Variants in RNF150 observed in about 807,000 individuals in gnomAD.
RNF150 encodes ring finger protein 150.
Under a neutral mutation model 39.3 loss-of-function variants are expected in RNF150, and 24 were observed. The observed-to-expected ratio is 0.61, with a 90% CI of 0.44 to 0.86. RNF150 has a LOEUF of 0.86. Among genes scored for constraint, RNF150 ranks in the 40% least tolerant of loss-of-function variants. The pLI, the probability that RNF150 is intolerant of heterozygous loss-of-function variation, is 0.00. For synonymous variants in RNF150, 255 were observed against 227.3 expected, an observed-to-expected ratio of 1.12 and a Z score of -1.10; for missense variants, 502 against 587.8, an observed-to-expected ratio of 0.85 and a Z score of 1.51.
intron 4 of RNF150, among the ~76,000 whole-genome samples, chr4:140,938,477 T>C (rs1171165844): frequency 6.6e-6 from 1 of 152,100 alleles, no homozygotes; most frequent in South Asian, 2.1e-4. Context: ...TATTTGAGTT[T>C]AGGGAGAAGC....
chr4:140,961,764 T>C (rs1733033028), intron 2 of RNF150, among the ~76,000 whole-genome samples: 1 of 152,064 alleles, frequency 6.6e-6, no homozygotes, highest in African/African-American at 2.4e-5. Context: ...CATCCTACAA[T>C]TCAAGGAAAG....
At chr4:140,936,644 T>G (rs1055053669) in intron 4 of RNF150, among the ~76,000 whole-genome samples, 2 of 151,968 alleles carry the variant, frequency 1.3e-5, no homozygotes, top group African/African-American at 4.8e-5. Context: ...AAATTGTTAA[T>G]TAAAAAAGCA....
chr4:140,961,809 C>T (rs1733035791), intron 2 of RNF150, among the ~76,000 whole-genome samples: 2 of 152,096 alleles, frequency 1.3e-5, no homozygotes, highest in South Asian at 2.1e-4. Flanking sequence ...AATTTAAACC[C>T]CATGAACCAC....
Position 140,911,306 on chromosome 4 carries a change from G to A in RNF150, c.1036C>T (p.Leu346=), listed in dbSNP as rs745396890. Residue 346 remains leucine (L), a synonymous_variant, in exon 6 of 7, where the codon CTG becomes TTG. Coordinates refer to ENST00000515673, the MANE Select transcript of RNF150 (RefSeq NM_020724.2). ...ATCTGGTTGGTGGGTGGACCTCCCA[G>A]AGAGCCCTCGAAGTCAGTGGGCAAG... The part of the protein sequence containing the change: ...DDLPTDFEGS[L]GGPPTNQITG... 1 of 1,614,128 alleles carries A rather than the reference G, an allele frequency of 6.2e-7. No individual in the cohort carries two copies. The highest frequency in any genetic ancestry group is 8.5e-7 in the Non-Finnish European group (1 of 1,180,018).
intron 1 of RNF150, among the ~76,000 whole-genome samples, chr4:140,981,991 CAT>C (rs1733875607): frequency 1.3e-5 from 2 of 152,176 alleles, no homozygotes; most frequent in East Asian, 1.9e-4. Context: ...AAGCCCATCA[CAT>C]GTTTTTCACC....
At chr4:141,039,296 A>G (rs1363083753) in intron 1 of RNF150, among the ~76,000 whole-genome samples, 5 of 151,972 alleles carry the variant, frequency 3.3e-5, no homozygotes, top group Non-Finnish European at 5.9e-5. Flanking sequence ...AAGTTAGTGG[A>G]CAATTTTCTT....
intron 1 of RNF150, among the ~76,000 whole-genome samples, chr4:141,129,810 T>A (rs896662410): frequency 6.6e-6 from 1 of 152,290 alleles, no homozygotes; most frequent in African/African-American, 2.4e-5. Flanking sequence ...AATTTCTATT[T>A]AATTGAATTT....
At chr4:141,054,217 C>T (rs984924508) in intron 1 of RNF150, among the ~76,000 whole-genome samples, 6 of 152,046 alleles carry the variant, frequency 3.9e-5, no homozygotes, top group African/African-American at 1.4e-4. Context: ...CTATAGTTAT[C>T]GCTAGTACTT....
chr4:141,187,296 G>A (rs1019390687), intron 1 of RNF150, among the ~76,000 whole-genome samples: 2 of 152,198 alleles, frequency 1.3e-5, no homozygotes, highest in African/African-American at 4.8e-5. Flanking sequence ...TAGAATAAGT[G>A]TGGTGTGGTG....
chr4:141,204,740 AT>A (rs1390065193), intron 1 of RNF150, among the ~76,000 whole-genome samples: 1 of 152,228 alleles, frequency 6.6e-6, no homozygotes, highest in African/African-American at 2.4e-5. Context: ...TGATACAAAT[AT>A]AAAAATTATT....
intron 1 of RNF150, among the ~76,000 whole-genome samples, chr4:141,011,052 AT>A (rs1205381946): frequency 6.6e-6 from 1 of 151,650 alleles, no homozygotes; most frequent in Non-Finnish European, 1.5e-5. Flanking sequence ...TATATGACCC[AT>A]TGGCATTCCT....
chr4:140,909,552 T>G (rs1179358523), intron 6 of RNF150, among the ~76,000 whole-genome samples: 1 of 152,052 alleles, frequency 6.6e-6, no homozygotes, highest in Non-Finnish European at 1.5e-5. Flanking sequence ...CACCAGATTC[T>G]GAAGACTGAG....
At chr4:140,886,047 C>T (rs1468717833) in intron 6 of RNF150, among the ~76,000 whole-genome samples, 1 of 151,762 alleles carries the variant, frequency 6.6e-6, no homozygotes, top group Non-Finnish European at 1.5e-5. Context: ...AAAAATTAGC[C>T]GGGCGTGGTG....
At chr4:141,004,928 C>A (rs1734808784) in intron 1 of RNF150, among the ~76,000 whole-genome samples, 1 of 152,078 alleles carries the variant, frequency 6.6e-6, no homozygotes, top group Admixed American at 6.6e-5. Flanking sequence ...AAGAGAAGTT[C>A]AATTAAGAGA....
At chr4:141,211,267 TTA>T (rs1237219170) in intron 1 of RNF150, among the ~76,000 whole-genome samples, 3 of 152,206 alleles carry the variant, frequency 2.0e-5, no homozygotes, top group African/African-American at 4.8e-5. Context: ...CACATTTATT[TTA>T]TATGTTTGAT....
At chr4:141,153,118 T>G (rs1323408947) in intron 1 of RNF150, among the ~76,000 whole-genome samples, 1 of 152,178 alleles carries the variant, frequency 6.6e-6, no homozygotes, top group Non-Finnish European at 1.5e-5. Context: ...TTTAATTCTT[T>G]CAAGTGCTGG....
At chr4:140,950,002 A>G (rs1395985548) in intron 2 of RNF150, among the ~76,000 whole-genome samples, 1 of 152,254 alleles carries the variant, frequency 6.6e-6, no homozygotes, top group Non-Finnish European at 1.5e-5. Flanking sequence ...ATGTCAAGAA[A>G]TAATATATCA....
chr4:141,009,103 A>G (rs1456333893), intron 1 of RNF150, among the ~76,000 whole-genome samples: 6 of 152,214 alleles, frequency 3.9e-5, no homozygotes, highest in African/African-American at 1.4e-4. Flanking sequence ...AATAGCAGAT[A>G]ACGTCAAATG....
intron 4 of RNF150, among the ~76,000 whole-genome samples, chr4:140,926,992 A>G (rs1207432416): frequency 6.6e-6 from 1 of 152,196 alleles, no homozygotes; most frequent in African/African-American, 2.4e-5. Context: ...CCCCTCTGCA[A>G]TGGAGCAATG....
Sources: allele counts gnomAD v4.1 joint callset (sites outside exome capture counted in the v4.1 genomes callset), GRCh38; gene constraint gnomAD v4.1.1; transcripts MANE v1.5; gene names NCBI Gene and HGNC (gene_info 2026-07-23, HGNC 2026-07-21).